DSCAM: variants seen among roughly 807,000 people sequenced by gnomAD.
DSCAM encodes the protein DS cell adhesion molecule, also known as cell adhesion molecule DSCAM.
Under a neutral mutation model 217.7 loss-of-function variants are expected in DSCAM, and 47 were observed. The ratio of observed to expected loss-of-function variants is 0.22; its 90% CI spans 0.17 to 0.28. DSCAM has a LOEUF of 0.28. Among genes scored for constraint, DSCAM ranks in the 10% least tolerant of loss-of-function variants. DSCAM has a pLI of 1.00. For missense variants in DSCAM, 2,080 were observed against 2,618.3 expected (o/e 0.79, Z 4.49); for synonymous variants, 1,056 against 1,015.3 (o/e 1.04, Z -0.76).
intron 1 of DSCAM, among the ~76,000 whole-genome samples, chr21:40,738,666 C>T (rs956535366): frequency 6.6e-6 from 1 of 152,214 alleles, no homozygotes; most frequent in Non-Finnish European, 1.5e-5. Context: ...TGCGGGGCCC[C>T]ACCCCAGAGA....
At chr21:40,841,757 G>A (rs767652639) in intron 1 of DSCAM, among the ~76,000 whole-genome samples, 5 of 152,366 alleles carry the variant, frequency 3.3e-5, no homozygotes, top group Non-Finnish European at 7.3e-5. Flanking sequence ...CGCGCGCCAC[G>A]CCGGGGTTCC....
chr21:40,075,415 C>T (rs1435824313), intron 26 of DSCAM, among the ~76,000 whole-genome samples: 1 of 152,158 alleles, frequency 6.6e-6, no homozygotes, highest in Admixed American at 6.5e-5. Flanking sequence ...CCAACTTATT[C>T]TATAGTGCAC....
intron 15 of DSCAM, among the ~76,000 whole-genome samples, chr21:40,168,855 T>C (rs1238000227): frequency 2.0e-5 from 3 of 152,208 alleles, no homozygotes; most frequent in Non-Finnish European, 4.4e-5. Flanking sequence ...CTATCACTTG[T>C]TGGCTGTGTG....
chr21:40,571,695 C>T lies in DSCAM; in HGVS notation c.508+121115G>A, dbSNP rs191664723. ...TGTTTGTATACAGACATACATGTTG[C>T]ATAATATATTAAGCACATATTAAAG... On this transcript the variant is annotated intron_variant, in intron 3 of 32. Transcript: ENST00000400454. Among the ~76,000 whole-genome samples, 1,012 of 152,304 alleles carry T rather than the reference C, an allele frequency of 6.6e-3. 8 individuals are homozygous for T. Among genetic ancestry groups the T allele is most frequent in the Non-Finnish European group, 0.01 (700 of 68,032 alleles).
chr21:40,705,091 A>G (rs1419154898), intron 2 of DSCAM, among the ~76,000 whole-genome samples: 1 of 152,228 alleles, frequency 6.6e-6, no homozygotes, highest in East Asian at 1.9e-4. Flanking sequence ...TGGGGACAAG[A>G]GACCAGATGT....
intron 3 of DSCAM, among the ~76,000 whole-genome samples, chr21:40,664,085 A>C (rs1266667069): frequency 6.6e-6 from 1 of 152,234 alleles, no homozygotes; most frequent in Non-Finnish European, 1.5e-5. Context: ...ATTTCTATTC[A>C]CAAAGCCAGT....
At chr21:40,678,953 C>T (rs2090370442) in intron 3 of DSCAM, among the ~76,000 whole-genome samples, 2 of 152,080 alleles carry the variant, frequency 1.3e-5, no homozygotes, top group South Asian at 4.1e-4. Context: ...GTGGTTCCAA[C>T]AATAAAATCA....
intron 11 of DSCAM, among the ~76,000 whole-genome samples, chr21:40,263,180 G>A (rs148522814): frequency 5.8e-4 from 88 of 152,258 alleles, no homozygotes; most frequent in African/African-American, 2.0e-3. Flanking sequence ...AGACAATAAA[G>A]AGAAGTTTCA....
At chr21:40,588,035 A>C (rs907358853) in intron 3 of DSCAM, among the ~76,000 whole-genome samples, 5 of 152,284 alleles carry the variant, frequency 3.3e-5, no homozygotes, top group African/African-American at 1.2e-4. Flanking sequence ...CCAATATTGC[A>C]GAGATTTGCA....
At chr21:40,511,650 C>T (rs2076258010) in intron 3 of DSCAM, among the ~76,000 whole-genome samples, 1 of 152,056 alleles carries the variant, frequency 6.6e-6, no homozygotes, top group Non-Finnish European at 1.5e-5. Flanking sequence ...GTAAAACACT[C>T]TCTTTGCACC....
At chr21:40,429,884 A>G (rs2075513986) in intron 3 of DSCAM, among the ~76,000 whole-genome samples, 1 of 152,250 alleles carries the variant, frequency 6.6e-6, no homozygotes, top group African/African-American at 2.4e-5. Context: ...ATAATAAGAC[A>G]TGACCTCTTT....
intron 1 of DSCAM, among the ~76,000 whole-genome samples, chr21:40,774,913 C>T (rs1268539946): frequency 1.3e-5 from 2 of 151,792 alleles, no homozygotes; most frequent in Admixed American, 6.6e-5. Flanking sequence ...TTCAGTTATG[C>T]ATTCATTCAC....
At chr21:40,299,054 T>C (rs2123455579) in intron 9 of DSCAM, among the ~76,000 whole-genome samples, 1 of 152,314 alleles carries the variant, frequency 6.6e-6, no homozygotes, top group East Asian at 1.9e-4. Flanking sequence ...CGTACACCTC[T>C]TTGCTCATAG....
chr21:40,386,777 C>G (rs2075089844), intron 3 of DSCAM, among the ~76,000 whole-genome samples: 2 of 152,082 alleles, frequency 1.3e-5, no homozygotes, highest in African/African-American at 4.8e-5. Context: ...AAAGTGGAAA[C>G]AGTGACGTTT....
chr21:40,201,377 C>CTT (rs5844005), intron 11 of DSCAM, among the ~76,000 whole-genome samples: 18 of 149,938 alleles, frequency 1.2e-4, no homozygotes, highest in African/African-American at 3.7e-4. Context: ...CCATTTCTTT[C>CTT]TTTTTTTTTT....
intron 3 of DSCAM, among the ~76,000 whole-genome samples, chr21:40,623,868 A>G (rs2089560480): frequency 6.6e-6 from 1 of 152,220 alleles, no homozygotes; most frequent in African/African-American, 2.4e-5. Flanking sequence ...TGGATGCTGT[A>G]AAAGCTTACC....
chr21:40,668,948 T>C (rs969352134), intron 3 of DSCAM, among the ~76,000 whole-genome samples: 1 of 152,108 alleles, frequency 6.6e-6, no homozygotes, highest in African/African-American at 2.4e-5. Flanking sequence ...AAAGATTGTA[T>C]TGAGTTCAGG....
chr21:40,744,411 C>T (rs2091154502), intron 1 of DSCAM, among the ~76,000 whole-genome samples: 1 of 152,182 alleles, frequency 6.6e-6, no homozygotes, highest in Non-Finnish European at 1.5e-5. Context: ...TCCCACAAAG[C>T]TCAGGTGCTC....
chr21:40,049,151 T>C (rs2088889095), intron 30 of DSCAM, among the ~76,000 whole-genome samples: 1 of 152,212 alleles, frequency 6.6e-6, no homozygotes, highest in Non-Finnish European at 1.5e-5. Flanking sequence ...AACATTGTTC[T>C]ATAAGCTATA....
Sources: gnomAD v4.1 joint callset for allele counts (sites outside exome capture counted in the v4.1 genomes callset) on GRCh38, gnomAD v4.1.1 for gene constraint, MANE v1.5 for transcripts, NCBI Gene and HGNC (gene_info 2026-07-23, HGNC 2026-07-21) for gene names.